The following DPP6 variants were observed in gnomAD, a reference collection of about 807,000 sequenced individuals.
DPP6 encodes the protein A-type potassium channel modulatory protein DPP6.
A neutral mutation model predicts 122.6 loss-of-function variants in DPP6; 69 were observed. The ratio of observed to expected loss-of-function variants is 0.56; its 90% CI spans 0.46 to 0.69. The LOEUF is 0.69. DPP6 is among the 30% of genes least tolerant of loss of function. The pLI, the probability that DPP6 is intolerant of heterozygous loss-of-function variation, is 0.00. For missense variants in DPP6, 928 were observed against 1,116.9 expected (o/e 0.83, Z 2.41); for synonymous variants, 418 against 433.1 (o/e 0.97, Z 0.43).
chr7:154,855,869 T>G (rs1024327247), intron 17 of DPP6, among the ~76,000 whole-genome samples: 2 of 152,234 alleles, frequency 1.3e-5, no homozygotes, highest in Non-Finnish European at 2.9e-5. Flanking sequence ...GAGTATTTGA[T>G]AAGATTTAGA....
chr7:154,104,304 G>A (rs183609534), intron 1 of DPP6, among the ~76,000 whole-genome samples: 229 of 152,340 alleles, frequency 1.5e-3, no homozygotes, highest in African/African-American at 5.1e-3. Context: ...TAGACCTTGA[G>A]AAATTTTGCT....
chr7:153,957,727 A>G (rs1179393966), intron 1 of DPP6, among the ~76,000 whole-genome samples: 2 of 152,210 alleles, frequency 1.3e-5, no homozygotes, highest in Non-Finnish European at 2.9e-5. Context: ...AATAAAAAAA[A>G]TCAGAACTAC....
At chr7:154,644,706 CTTTTTTT>C (rs5888584) in intron 6 of DPP6, among the ~76,000 whole-genome samples, 1 of 129,966 alleles carries the variant, frequency 7.7e-6, no homozygotes, top group African/African-American at 2.9e-5. Flanking sequence ...CTTAAAATGG[CTTTTTTT>C]TTTTTTTTTT....
At position 154,310,414 on chromosome 7, in the gene DPP6, T is replaced by G. The variant is rs6944285; in HGVS notation, c.244-135800T>G. Among the ~76,000 whole-genome samples the G allele has an allele frequency of 5.8e-4, 88 of 152,344 alleles. 1 individual carries two copies. The highest frequency in any genetic ancestry group is 2.1e-3 in the African/African-American group (86 of 41,584). The stretch of plus-strand genomic sequence containing the variant: ...AAAGTGCAAATCAGCAAGTGCCATT[T>G]AGCACATCAAATGAAAGCCCAGGCA... On this transcript the variant is annotated intron_variant, in intron 1 of 25. Coordinates refer to ENST00000377770, the MANE Select transcript of DPP6 (RefSeq NM_130797.4).
At chr7:154,848,271 C>T (rs1435894291) in intron 16 of DPP6, among the ~76,000 whole-genome samples, 5 of 152,108 alleles carry the variant, frequency 3.3e-5, no homozygotes, top group Non-Finnish European at 7.4e-5. Flanking sequence ...AATAGTTTTA[C>T]TAATTTACCT....
intron 1 of DPP6, among the ~76,000 whole-genome samples, chr7:154,114,186 G>A (rs2150591347): frequency 6.6e-6 from 1 of 151,486 alleles, no homozygotes; most frequent in African/African-American, 2.4e-5. Context: ...GCTTCATTTA[G>A]CACAGCCCTG....
intron 1 of DPP6, among the ~76,000 whole-genome samples, chr7:154,160,339 C>T (rs1796915870): frequency 6.6e-6 from 1 of 152,140 alleles, no homozygotes; most frequent in Non-Finnish European, 1.5e-5. Context: ...GCAGGCCATT[C>T]AGTACAGTGT....
At chr7:154,523,931 A>G (rs951095026) in intron 3 of DPP6, among the ~76,000 whole-genome samples, 7 of 152,182 alleles carry the variant, frequency 4.6e-5, no homozygotes, top group Non-Finnish European at 8.8e-5. Context: ...CTTTTCTCCA[A>G]ATGAGGTTAG....
chr7:153,752,215 G>A, the DPP6 span, among the ~76,000 whole-genome samples: 2 of 151,824 alleles, frequency 1.3e-5, no homozygotes, highest in Admixed American at 1.3e-4. Context: ...TTTTATTAAG[G>A]GGGAGCATGT....
chr7:154,520,174 T>A (rs967094936), intron 3 of DPP6, among the ~76,000 whole-genome samples: 16 of 152,220 alleles, frequency 1.1e-4, no homozygotes, highest in Non-Finnish European at 2.2e-4. Context: ...ATTAAAATAA[T>A]ACTAGTTTAA....
chr7:154,465,475 A>G (rs558235916), intron 2 of DPP6, among the ~76,000 whole-genome samples: 1 of 152,350 alleles, frequency 6.6e-6, no homozygotes, highest in East Asian at 1.9e-4. Flanking sequence ...ACAAAGGGCT[A>G]ATATCCAGAA....
intron 1 of DPP6, among the ~76,000 whole-genome samples, chr7:154,109,953 G>C (rs879461085): frequency 4.2e-5 from 6 of 142,080 alleles, no homozygotes; most frequent in Non-Finnish European, 9.1e-5. Flanking sequence ...GGTGCAGGGT[G>C]GGGGAGCAAC....
intron 6 of DPP6, among the ~76,000 whole-genome samples, chr7:154,644,732 C>T (rs1374685500): frequency 7.8e-6 from 1 of 128,790 alleles, no homozygotes. Flanking sequence ...TTTTAAGATA[C>T]AGAGTCTGGC....
At chr7:154,742,258 G>A (rs527529237) in intron 8 of DPP6, among the ~76,000 whole-genome samples, 13 of 152,290 alleles carry the variant, frequency 8.5e-5, no homozygotes, top group South Asian at 6.2e-4. Flanking sequence ...ATTCTGCACC[G>A]AAGCCCTCTA....
intron 6 of DPP6, among the ~76,000 whole-genome samples, chr7:154,645,364 C>T (rs2130960474): frequency 6.6e-6 from 1 of 152,130 alleles, no homozygotes; most frequent in South Asian, 2.1e-4. Context: ...TGCGCCCGGC[C>T]TGTTACTTGG....
At chr7:153,894,523 T>C (rs1799329566) in intron 1 of DPP6, among the ~76,000 whole-genome samples, 1 of 152,102 alleles carries the variant, frequency 6.6e-6, no homozygotes, top group Non-Finnish European at 1.5e-5. Context: ...CAAAAACCCA[T>C]CTTGGACAGT....
At position 154,794,187 on chromosome 7, in the gene DPP6, G is replaced by T; in HGVS notation, c.1245G>T (p.Thr415=). ...TCCTCACCCTCTGCGACGCCACCAC[G>T]GGGGTCTGCACGAAGGTACGCGGGG... ...VSILTLCDAT[T]GVCTKKHEDE... is the part of the protein sequence containing the mutation. Residue 415 remains threonine (T), a synonymous_variant, in exon 11 of 26, where the codon ACG becomes ACT. Transcript: ENST00000377770. 1 of 1,610,520 alleles carries T rather than the reference G, an allele frequency of 6.2e-7. No homozygotes were observed. The highest frequency in any genetic ancestry group is 8.5e-7 in the Non-Finnish European group (1 of 1,178,278).
chr7:154,205,281 A>G (rs2150794839), intron 1 of DPP6, among the ~76,000 whole-genome samples: 1 of 152,312 alleles, frequency 6.6e-6, no homozygotes, highest in South Asian at 2.1e-4. Context: ...GGATGTAGTC[A>G]TGATACAGGA....
At chr7:154,340,504 C>A (rs148540155) in intron 1 of DPP6, among the ~76,000 whole-genome samples, 1 of 152,172 alleles carries the variant, frequency 6.6e-6, no homozygotes, top group African/African-American at 2.4e-5. Context: ...TCCTGGCTCA[C>A]TGGCTATGGT....
Sources: gnomAD v4.1 joint callset for allele counts (sites outside exome capture counted in the v4.1 genomes callset) on GRCh38, gnomAD v4.1.1 for gene constraint, MANE v1.5 for transcripts, NCBI Gene and HGNC (gene_info 2026-07-23, HGNC 2026-07-21) for gene names.